ATP2C1: variants seen among roughly 807,000 people sequenced by gnomAD.
ATP2C1 encodes calcium-transporting ATPase type 2C member 1.
In ATP2C1, 31 loss-of-function variants were observed where a neutral mutation model predicts 120.5. The observed-to-expected ratio is 0.26, with a 90% confidence interval of 0.19 to 0.35. The LOEUF (loss-of-function observed/expected upper bound fraction) is 0.35, where lower values mean the gene tolerates loss of function less well. ATP2C1 is among the 10% of genes least tolerant of loss of function. The probability of loss-of-function intolerance (pLI) is 1.00; values close to 1 mark genes in which losing one functional copy is unlikely to be tolerated. For missense variants in ATP2C1, 731 were observed against 1,107.5 expected, an observed-to-expected ratio of 0.66 and a Z score of 4.83; for synonymous variants, 351 against 358.7, an observed-to-expected ratio of 0.98 and a Z score of 0.24.
In ATP2C1 at chr3:130,996,815, C is replaced by A; in HGVS notation, c.2243+19C>A. 2 of 1,485,846 alleles carry A rather than the reference C, an allele frequency of 1.3e-6. No homozygotes were observed. The highest frequency in any genetic ancestry group is 1.9e-6 in the Non-Finnish European group (2 of 1,063,426). 92.0% of individuals were successfully genotyped at this position (1,485,846 alleles called of 1,614,324 possible). A position where few individuals can be genotyped will look rare whatever the true frequency, so the allele number is the denominator to read the frequency against. Reference sequence around the variant, plus strand: ...CTCAGAGGTACGAGTTTTTTAATTGCATGAGCTGGAAAGACAAGGAATGTG... The same window carrying A: ...CTCAGAGGTACGAGTTTTTTAATTGAATGAGCTGGAAAGACAAGGAATGTG... On this transcript the variant is annotated intron_variant, in intron 24 of 27. Transcript: ENST00000510168.
At chr3:130,851,594 G>A (rs976815473) in intron 1 of ATP2C1, among the ~76,000 whole-genome samples, 1 of 152,172 alleles carries the variant, frequency 6.6e-6, no homozygotes, top group Non-Finnish European at 1.5e-5. Context: ...TTTTTATGGT[G>A]TGAGATTTAT....
At chr3:130,910,014 G>A (rs1176566440) in intron 2 of ATP2C1, among the ~76,000 whole-genome samples, 2 of 152,108 alleles carry the variant, frequency 1.3e-5, no homozygotes, top group East Asian at 3.9e-4. Context: ...CTAGTAGTAG[G>A]TTTTTACATT....
intron 17 of ATP2C1, among the ~76,000 whole-genome samples, chr3:130,975,095 G>C (rs776209989): frequency 3.3e-5 from 5 of 152,066 alleles, no homozygotes; most frequent in Non-Finnish European, 7.4e-5. Flanking sequence ...CAAATTTGGG[G>C]CTTAGTATAG....
intron 1 of ATP2C1, among the ~76,000 whole-genome samples, chr3:130,873,797 A>G (rs2068510597): frequency 6.6e-6 from 1 of 152,124 alleles, no homozygotes; most frequent in African/African-American, 2.4e-5. Flanking sequence ...CGAATCTGTC[A>G]CTAAGTAATC....
rs369940049 is a variant in ATP2C1 at position 130,964,039 on chromosome 3, T to C, written c.968T>C (p.Met323Thr). 2.5e-6 allele frequency: 4 copies of C among 1,612,446 alleles called. No homozygotes were observed. The highest frequency in any genetic ancestry group is 2.2e-5 in the East Asian group (1 of 44,852). The stretch of plus-strand genomic sequence containing the variant: ...ACAGTGACGCTAGCTCTTGGTGTTA[T>C]GAGAATGGTGAAGAAAAGGGCCATT... ...VVTVTLALGVMRMVKKRAIVK... is the reference protein window; with the variant it reads ...VVTVTLALGVTRMVKKRAIVK... The change falls in exon 13 of 28, where the codon ATG becomes ACG. Residue 323 changes from methionine (M) to threonine (T), a missense_variant. Met to Thr is a moderately conservative substitution (Grantham distance 81). Transcript: ENST00000510168.
At chr3:130,999,756 A>G in intron 27 of ATP2C1, 97 bp downstream of exon 27, 1 of 1,162,842 alleles carries the variant, frequency 8.6e-7, no homozygotes, top group South Asian at 1.4e-5. Context: ...AAATAGCAAA[A>G]TAAGTAACTC....
chr3:130,968,760 A>T (rs1480316064), intron 16 of ATP2C1, among the ~76,000 whole-genome samples: 5 of 152,106 alleles, frequency 3.3e-5, no homozygotes, highest in African/African-American at 1.2e-4. Context: ...TTTGGAAGAT[A>T]TTTTTTGATA....
intron 2 of ATP2C1, among the ~76,000 whole-genome samples, chr3:130,898,492 T>A (rs2069841355): frequency 6.6e-6 from 1 of 152,068 alleles, no homozygotes. Context: ...GGAAATATAG[T>A]TTATGTTGTT....
At chr3:130,869,429 T>TAAAAAAAAAAAAAAAAAAAAAAAAA (rs762137045) in intron 1 of ATP2C1, 2 of 106,626 alleles carry the variant, frequency 1.9e-5, no homozygotes, top group African/African-American at 3.9e-5. Context: ...CAATAAAAAA[T>TAAAAAAAAAAAAAAAAAAAAAAAAA]AAAAAAAAAA....
intron 19 of ATP2C1, 49 bp from the exon 20 acceptor site, chr3:130,980,533 C>A: frequency 7.1e-7 from 1 of 1,410,864 alleles, no homozygotes; most frequent in Non-Finnish European, 1.0e-6. Context: ...ACTAGCCTGT[C>A]AAGCAAAAAC....
Position 130,884,189 on chromosome 3 carries a change from C to A in ATP2C1, c.108+33261C>A, listed in dbSNP as rs61326417. Among the ~76,000 whole-genome samples, 765 of 152,190 alleles carry A rather than the reference C, an allele frequency of 5.0e-3. 6 individuals carry two copies. The highest frequency in any genetic ancestry group is 0.018 in the African/African-American group (733 of 41,534). ...CTCCTGACCTCAGGTGATCTGCCCA[C>A]CTCGGCCTCCCAAAGTGCTGAGATT... On this transcript the variant is annotated intron_variant, in intron 1 of 26. Transcript: ENST00000504381.
chr3:130,964,052 GAAA>G lies in ATP2C1; in HGVS notation c.983_985del (p.Lys328del). ...CTCTTGGTGTTATGAGAATGGTGAA[GAAA>G]AGGGCCATTGTGAAAAAGCTGCCTA... On this transcript the variant is annotated inframe_deletion, in exon 13 of 28. Transcript: ENST00000510168. 1 of 1,612,700 alleles carries G rather than the reference GAAA, an allele frequency of 6.2e-7. No individual in the cohort carries two copies. The highest frequency in any genetic ancestry group is 8.5e-7 in the Non-Finnish European group (1 of 1,178,944).
intron 20 of ATP2C1, among the ~76,000 whole-genome samples, chr3:130,987,822 C>T (rs2062096157): frequency 6.6e-6 from 1 of 152,128 alleles, no homozygotes; most frequent in Non-Finnish European, 1.5e-5. Flanking sequence ...TTTCATTCTC[C>T]TTTTGGAATA....
At chr3:130,996,911 T>A in intron 24 of ATP2C1, 115 bp downstream of exon 24, 2 of 791,196 alleles carry the variant, frequency 2.5e-6, no homozygotes, top group Non-Finnish European at 4.5e-6. Flanking sequence ...GCAAATGTTT[T>A]AACATTTATG....
chr3:130,868,296 G>T (rs1195826167), intron 1 of ATP2C1: 3 of 135,982 alleles, frequency 2.2e-5, no homozygotes, highest in Non-Finnish European at 3.2e-5. Context: ...GGAGGTGAGG[G>T]GCTCCTCTGC....
chr3:130,885,261 G>C (rs991942389), intron 1 of ATP2C1, among the ~76,000 whole-genome samples: 1 of 152,148 alleles, frequency 6.6e-6, no homozygotes, highest in African/African-American at 2.4e-5. Context: ...ATAGGTGATA[G>C]ATCACTGGGT....
chr3:130,967,055 G>T, intron 14 of ATP2C1, 90 bp from the exon 15 acceptor site: 2 of 895,316 alleles, frequency 2.2e-6, no homozygotes, highest in South Asian at 1.3e-5. Flanking sequence ...AAAATGAACA[G>T]AACTCATTAT....
At chr3:130,865,012 G>A (rs1441074697) in intron 1 of ATP2C1, among the ~76,000 whole-genome samples, 1 of 152,090 alleles carries the variant, frequency 6.6e-6, no homozygotes, top group Non-Finnish European at 1.5e-5. Flanking sequence ...CCGACAGCTT[G>A]CACCGTGCTC....
intron 2 of ATP2C1, among the ~76,000 whole-genome samples, chr3:130,926,867 G>A (rs1420062897): frequency 1.3e-5 from 2 of 152,220 alleles, no homozygotes; most frequent in East Asian, 1.9e-4. Context: ...TTGCCCAGTA[G>A]TATTCTTGTG....
Sources: gnomAD v4.1 joint callset for allele counts (sites outside exome capture counted in the v4.1 genomes callset) on GRCh38, gnomAD v4.1.1 for gene constraint, MANE v1.5 for transcripts, NCBI Gene and HGNC (gene_info 2026-07-23, HGNC 2026-07-21) for gene names.